Variants in SYCE3 observed in about 807,000 individuals in gnomAD.
SYCE3 encodes the protein testis highly expressed gene 2 protein.
SYCE3 carries 3 observed loss-of-function variants against 8.1 expected under a neutral mutation model. The ratio of observed to expected loss-of-function variants is 0.37; its 90% CI spans 0.17 to 0.96. The LOEUF (loss-of-function observed/expected upper bound fraction) is 0.96. Ranked by LOEUF, SYCE3 falls within the 40% of genes least tolerant of loss-of-function variation. The pLI, the probability that SYCE3 is intolerant of heterozygous loss-of-function variation, is 0.41. For missense variants in SYCE3, 83 were observed against 110.0 expected, an observed-to-expected ratio of 0.75 and a Z score of 1.10; for synonymous variants, 36 against 38.7, an observed-to-expected ratio of 0.93 and a Z score of 0.26.
chr22:50,552,777 G>A (rs1288480171), intron 2 of SYCE3, among the ~76,000 whole-genome samples: 2 of 152,076 alleles, frequency 1.3e-5, no homozygotes, highest in African/African-American at 4.8e-5. Flanking sequence ...TAGGAGGTCG[G>A]GTCTTTTGGA....
chr22:50,552,422 G>C (rs1412790177), intron 2 of SYCE3, among the ~76,000 whole-genome samples: 2 of 152,164 alleles, frequency 1.3e-5, no homozygotes, highest in Non-Finnish European at 2.9e-5. Context: ...GGAGGCCAAG[G>C]GGGGTAGATC....
At chr22:50,554,119 C>T (rs189973488) in intron 2 of SYCE3, among the ~76,000 whole-genome samples, 12,367 of 150,012 alleles carry the variant, frequency 0.082, 1,133 homozygotes, top group African/African-American at 0.23. Flanking sequence ...GGCGTGAACC[C>T]GGGAGGCAGA....
rs1186437586 is a variant in SYCE3, at chr22:50,551,256, G to T, written c.256C>A (p.Gln86Lys). 1.9e-6 allele frequency: 3 copies of T among 1,551,352 alleles called. No individual in the cohort carries two copies. The highest frequency in any genetic ancestry group is 1.7e-6 in the Non-Finnish European group (2 of 1,146,936). The change falls in exon 3 of 3, where the codon CAA becomes AAA. Residue 86 changes from glutamine to lysine, a missense_variant. By Grantham distance (53) the Gln-to-Lys change is moderately conservative (BLOSUM62 1). Transcript: ENST00000406915. ...TGGGCCAGTGGGGCCTACAGCCTTT[G>T]CTTGGTCTCATGCAGCAGCTCTTGC... The part of the protein sequence containing the change: ...NWQELLHETK[Q>K]RL
chr22:50,560,632 A>G (rs1423191823), intron 1 of SYCE3, among the ~76,000 whole-genome samples: 1 of 152,206 alleles, frequency 6.6e-6, no homozygotes, highest in Non-Finnish European at 1.5e-5. Flanking sequence ...GGGGAGAAAA[A>G]AACAGGAGGT....
chr22:50,554,419 C>T lies in SYCE3; in HGVS notation c.109+1878G>A, dbSNP rs139582858. 5.1e-3 allele frequency among the ~76,000 whole-genome samples: 781 copies of T among 151,810 alleles called. 5 individuals are homozygous for T. The highest frequency in any genetic ancestry group is 0.018 in the African/African-American group (736 of 41,420). On this transcript the variant is annotated intron_variant, in intron 2 of 2. Coordinates refer to ENST00000406915, the MANE Select transcript of SYCE3 (RefSeq NM_001123225.3). ...TACATAAAACTGTTTGCTGGCTGGG[C>T]GTGGTGGCTCACGCGTGTAATCCCA... is the stretch of plus-strand genomic sequence containing the variant.
chr22:50,557,409 G>A (rs2069871295), intron 1 of SYCE3, among the ~76,000 whole-genome samples: 1 of 152,034 alleles, frequency 6.6e-6, no homozygotes, highest in South Asian at 2.1e-4. Context: ...ATCCACCTCG[G>A]CCTCCCAAAG....
At chr22:50,551,519 AG>A in intron 2 of SYCE3, 117 bp from the exon 3 acceptor site, 1 of 1,115,746 alleles carries the variant, frequency 9.0e-7, no homozygotes, top group Non-Finnish European at 1.2e-6. Flanking sequence ...GATCCTGCTG[AG>A]GCACCCAATT....
At chr22:50,559,523 G>T (rs540089653) in intron 1 of SYCE3, among the ~76,000 whole-genome samples, 1 of 152,210 alleles carries the variant, frequency 6.6e-6, no homozygotes, top group Non-Finnish European at 1.5e-5. Flanking sequence ...GATCACTCTG[G>T]CTTCTGTGTT....
chr22:50,551,168 G>A lies in SYCE3; in HGVS notation c.*77C>T. On this transcript the variant is annotated 3_prime_UTR_variant, in exon 3 of 3. Transcript: ENST00000406915. ...GTACAGTGCATACAGCTATTCATGT[G>A]GGTGCCAGCTCCATCCCCCAGTGAC... 1 of 1,511,490 alleles carries A rather than the reference G, an allele frequency of 6.6e-7. No individual in the cohort carries two copies. The highest frequency in any genetic ancestry group is 8.9e-7 in the Non-Finnish European group (1 of 1,119,212). The allele number at this position is 1,511,490 out of a possible 1,614,324, so 93.6% of individuals were successfully genotyped here. A position where few individuals can be genotyped will look rare whatever the true frequency, so the allele number is the denominator to read the frequency against.
rs2069809096 is a variant in SYCE3, at chr22:50,551,487, G to T, written c.110-85C>A. The T allele has an allele frequency of 2.1e-6, 3 of 1,419,418 alleles. No individual in the cohort carries two copies. In the African/African-American group the frequency reaches 4.3e-5, roughly 20 times the overall value. The allele number at this position is 1,419,418 out of a possible 1,614,324, so 87.9% of individuals were successfully genotyped here. Reference sequence around the variant, plus strand: ...CCAGAAGGGTCAGATGCCTCCAGCTGGGCTCAGCATCTGGAGGCCCAGATC... The same window carrying T: ...CCAGAAGGGTCAGATGCCTCCAGCTTGGCTCAGCATCTGGAGGCCCAGATC... On this transcript the variant is annotated intron_variant, in intron 2 of 2. Transcript: ENST00000406915.
chr22:50,561,511 T>C (rs1221743765), intron 1 of SYCE3, among the ~76,000 whole-genome samples: 3 of 68,850 alleles, frequency 4.4e-5, no homozygotes, highest in Non-Finnish European at 8.4e-5. Context: ...GTGGCGGAAG[T>C]GTGGGGCGGG....
At chr22:50,561,525 A>G (rs867672642) in intron 1 of SYCE3, among the ~76,000 whole-genome samples, 3 of 38,038 alleles carry the variant, frequency 7.9e-5, no homozygotes, top group African/African-American at 3.7e-4. Flanking sequence ...GGGCGGGAGG[A>G]GCGTGGGGCG....
intron 1 of SYCE3, among the ~76,000 whole-genome samples, chr22:50,559,019 T>G: frequency 6.6e-6 from 1 of 152,206 alleles, no homozygotes; most frequent in African/African-American, 2.4e-5. Context: ...CTCTCCAAAC[T>G]CTGTCCACCT....
At chr22:50,553,618 C>G (rs749819693) in intron 2 of SYCE3, among the ~76,000 whole-genome samples, 3 of 152,088 alleles carry the variant, frequency 2.0e-5, no homozygotes, top group African/African-American at 7.2e-5. Context: ...AGTCTCGCTC[C>G]GTCACCCAGG....
intron 2 of SYCE3, among the ~76,000 whole-genome samples, chr22:50,554,010 G>A (rs146974770): frequency 0.084 from 12,704 of 151,744 alleles, 1,186 homozygotes; most frequent in African/African-American, 0.23. Context: ...TGGCTAACAC[G>A]GGGAAACTCC....
chr22:50,552,893 T>C (rs184206672), intron 2 of SYCE3, among the ~76,000 whole-genome samples: 18 of 152,204 alleles, frequency 1.2e-4, no homozygotes, highest in African/African-American at 4.1e-4. Context: ...TGAGGCTCTA[T>C]GTGAGGATAC....
chr22:50,551,371 C>T lies in SYCE3; in HGVS notation c.141G>A (p.Val47=). Residue 47 remains valine (V), a synonymous_variant, in exon 3 of 3, where the codon GTG becomes GTA. Coordinates refer to ENST00000406915, the MANE Select transcript of SYCE3 (RefSeq NM_001123225.3). ...VQATWMAYDM[V]VMRTNPTLAE... ...CCAGCGTAGGGTTGGTGCGCATCACCACCATGTCATAGGCCATCCAGGTCG... is the reference window on the plus strand; with the variant it reads ...CCAGCGTAGGGTTGGTGCGCATCACTACCATGTCATAGGCCATCCAGGTCG... 6.4e-7 allele frequency: 1 copy of T among 1,550,978 alleles called. No individual in the cohort carries two copies. Among genetic ancestry groups the T allele is most frequent in the Non-Finnish European group, 8.7e-7 (1 of 1,146,960 alleles).
rs1396369571 is a variant in SYCE3 at position 50,551,300 on chromosome 22, T to C, written c.212A>G (p.Glu71Gly). The C allele has an allele frequency of 1.3e-6, 2 of 1,551,356 alleles. No individual in the cohort carries two copies. Among genetic ancestry groups the C allele is most frequent in the Admixed American group, 3.9e-5 (2 of 51,004 alleles). The stretch of plus-strand genomic sequence containing the variant: ...CTCTTGCCAGTTCTTCTCCATCTCC[T>C]CCTTGCAGTTGACGAAGGCATCCTC... ...RLEDAFVNCK[E>G]EMEKNWQELL... Residue 71 changes from glutamate to glycine, a missense_variant, in exon 3 of 3, where the codon GAG (glutamate) becomes GGG (glycine). Coordinates refer to ENST00000406915, the MANE Select transcript of SYCE3 (RefSeq NM_001123225.3).
chr22:50,560,219 C>T (rs2069900906), intron 1 of SYCE3, among the ~76,000 whole-genome samples: 1 of 152,086 alleles, frequency 6.6e-6, no homozygotes, highest in South Asian at 2.1e-4. Flanking sequence ...CATGGCAGGC[C>T]CAGGCATGGT....
Sources: gnomAD v4.1 joint callset for allele counts (sites outside exome capture counted in the v4.1 genomes callset) on GRCh38, gnomAD v4.1.1 for gene constraint, MANE v1.5 for transcripts, NCBI Gene and HGNC (gene_info 2026-07-23, HGNC 2026-07-21) for gene names.